Variants in KREMEN1 observed in about 807,000 individuals in gnomAD.
The protein encoded by KREMEN1 is kringle containing transmembrane protein 1, also known as kremen protein 1.
In KREMEN1, 30 loss-of-function variants were observed where a neutral mutation model predicts 46.5. That is an observed-to-expected ratio of 0.65 (90% confidence interval 0.48 to 0.88). KREMEN1 has a LOEUF of 0.88. Ranked by LOEUF, KREMEN1 falls within the 40% of genes least tolerant of loss-of-function variation. KREMEN1 has a pLI of 0.00. For missense variants in KREMEN1, 533 were observed against 596.9 expected (o/e 0.89, Z 1.11); for synonymous variants, 214 against 230.6 (o/e 0.93, Z 0.65).
At chr22:29,097,428 A>C (rs1239678674) in intron 2 of KREMEN1, among the ~76,000 whole-genome samples, 1 of 152,210 alleles carries the variant, frequency 6.6e-6, no homozygotes, top group Admixed American at 6.5e-5. Context: ...TATTATCTCC[A>C]TATCAGAAGT....
intron 9 of KREMEN1, among the ~76,000 whole-genome samples, chr22:29,152,938 CTGCTTGACTGAGTAGACTTACGGTTA>C (rs2038928177): frequency 6.6e-6 from 1 of 152,200 alleles, no homozygotes; most frequent in African/African-American, 2.4e-5. Flanking sequence ...GCGGCATGGG[CTGCTTGACTGAGTAGACTTACGGTTA>C]TTTCTTGATG....
At chr22:29,099,066 T>C in intron 3 of KREMEN1, 113 bp downstream of exon 3, 1 of 760,182 alleles carries the variant, frequency 1.3e-6, no homozygotes, top group South Asian at 1.6e-5. Context: ...TCATGGAGCA[T>C]GTGAAAGGAG....
chr22:29,132,201 G>A (rs964885954), intron 5 of KREMEN1, among the ~76,000 whole-genome samples: 1 of 152,086 alleles, frequency 6.6e-6, no homozygotes, highest in Admixed American at 6.5e-5. Context: ...CACCTATGTT[G>A]TTGCCTGTAT....
At chr22:29,125,445 C>T (rs757659167) in intron 5 of KREMEN1, 29 bp downstream of exon 5, 36 of 1,610,620 alleles carry the variant, frequency 2.2e-5, no homozygotes, top group Non-Finnish European at 2.7e-5. Flanking sequence ...CATCACTGCC[C>T]AAGGCACAGG....
intron 9 of KREMEN1, among the ~76,000 whole-genome samples, chr22:29,153,931 C>T (rs1406231443): frequency 6.8e-6 from 1 of 148,094 alleles, no homozygotes; most frequent in Non-Finnish European, 1.5e-5. Context: ...GAGATCTAGT[C>T]ACTGCACTCC....
chr22:29,136,710 G>A (rs1257299708), intron 5 of KREMEN1, among the ~76,000 whole-genome samples: 2 of 152,084 alleles, frequency 1.3e-5, no homozygotes, highest in African/African-American at 4.8e-5. Context: ...TCAAAAACAG[G>A]AGTCCAGAGA....
Position 29,132,244 on chromosome 22 carries a change from C to T in KREMEN1, c.632-5098C>T, listed in dbSNP as rs574824115. Reference sequence around the variant, plus strand: ...TTTTTTCCTTTTTATTGCTAAGAAGCGTTCCTTTGTACAGATGTATCGCAA... The same window carrying T: ...TTTTTTCCTTTTTATTGCTAAGAAGTGTTCCTTTGTACAGATGTATCGCAA... On this transcript the variant is annotated intron_variant, in intron 5 of 8. Coordinates refer to ENST00000400335, the MANE Select transcript of KREMEN1 (RefSeq NM_001039570.3). 8.5e-5 allele frequency among the ~76,000 whole-genome samples: 13 copies of T among 152,226 alleles called. 1 individual carries two copies. In the South Asian group the frequency reaches 2.1e-3, roughly 24 times the overall value.
In KREMEN1 at chr22:29,144,436, G is replaced by A. The variant is rs2056750872; in HGVS notation, c.*2324G>A. 1.0e-6 allele frequency: 1 copy of A among 985,628 alleles called. No individual in the cohort carries two copies. The highest frequency in any genetic ancestry group is 6.1e-5 in the Admixed American group (1 of 16,298). 61.1% of individuals were successfully genotyped at this position (985,628 alleles called of 1,614,324 possible). A position where few individuals can be genotyped will look rare whatever the true frequency, so the allele number is the denominator to read the frequency against. ...ACTGCCACCCCAGGCCCCGTGGGAG[G>A]CCTGCTGAGGGCACAGAGCTGCTCG... is the stretch of plus-strand genomic sequence containing the variant. On this transcript the variant is annotated 3_prime_UTR_variant, in exon 9 of 9. Coordinates refer to ENST00000400335, the MANE Select transcript of KREMEN1 (RefSeq NM_001039570.3).
At chr22:29,111,762 C>T (rs1320821006) in intron 3 of KREMEN1, 1 of 150,824 alleles carries the variant, frequency 6.6e-6, no homozygotes, top group African/African-American at 2.4e-5. Flanking sequence ...AACTTAGCAT[C>T]TGGTTTCTTA....
At position 29,137,510 on chromosome 22, in the gene KREMEN1, C is replaced by G; in HGVS notation, c.800C>G (p.Ala267Gly). The part of the protein sequence containing the change: ...SFPLFDIRDS[A>G]DMVELLDGYT... ...CCCCTATTTGACATCAGGGACTCGG[C>G]GGACATGGTGGAGCTTCTGGATGGC... The change falls in exon 6 of 9, where the codon GCG becomes GGG. Residue 267 changes from alanine (A) to glycine (G), a missense_variant. By Grantham distance (60) the Ala-to-Gly change is moderately conservative. Transcript: ENST00000400335. The G allele has an allele frequency of 6.2e-7, 1 of 1,611,646 alleles. No homozygotes were observed. The highest frequency in any genetic ancestry group is 1.3e-5 in the African/African-American group (1 of 75,024).
chr22:29,075,799 A>G (rs1317335172), intron 1 of KREMEN1, among the ~76,000 whole-genome samples: 1 of 152,160 alleles, frequency 6.6e-6, no homozygotes, highest in Non-Finnish European at 1.5e-5. Flanking sequence ...TTTTCTCTAA[A>G]ATTTTGTGGA....
intron 3 of KREMEN1, among the ~76,000 whole-genome samples, chr22:29,116,191 G>T (rs2038236863): frequency 6.6e-6 from 1 of 152,198 alleles, no homozygotes. Context: ...GATTATTCTG[G>T]TTGCAGTTTG....
At chr22:29,134,044 T>A (rs1398734901) in intron 5 of KREMEN1, 1 of 152,088 alleles carries the variant, frequency 6.6e-6, no homozygotes, top group East Asian at 1.9e-4. Context: ...TATACTAAAA[T>A]TGGAACAAAA....
intron 3 of KREMEN1, among the ~76,000 whole-genome samples, chr22:29,120,462 G>GAGGTGATGATGGAA (rs1410295520): frequency 5.1e-5 from 6 of 117,718 alleles, no homozygotes; most frequent in East Asian, 2.9e-4. Flanking sequence ...GGAGGAGGGA[G>GAGGTGATGATGGAA]ACGTGATGAT....
intron 3 of KREMEN1, among the ~76,000 whole-genome samples, chr22:29,109,971 A>C (rs2038119465): frequency 6.6e-6 from 1 of 152,212 alleles, no homozygotes; most frequent in Non-Finnish European, 1.5e-5. Flanking sequence ...TCAACAAACG[A>C]GCTTTTCTTC....
chr22:29,136,542 T>A (rs1254610135), intron 5 of KREMEN1, among the ~76,000 whole-genome samples: 2 of 147,216 alleles, frequency 1.4e-5, no homozygotes, highest in Non-Finnish European at 3.0e-5. Context: ...ACCACTGCAC[T>A]CCAGCCTGGG....
chr22:29,141,405 G>A lies in KREMEN1; in HGVS notation c.1209-539G>A, dbSNP rs549014906. On this transcript the variant is annotated intron_variant, in intron 8 of 8. Transcript: ENST00000400335. ...CCCTGTGGCAGCAAGAGAGCCCAAT[G>A]CTTCCTATAGCGTCCAGCATCTGAT... 3.3e-5 allele frequency among the ~76,000 whole-genome samples: 5 copies of A among 152,346 alleles called. No individual in the cohort carries two copies. In the East Asian group the frequency reaches 9.6e-4, roughly 29 times the overall value.
intron 2 of KREMEN1, among the ~76,000 whole-genome samples, chr22:29,094,784 C>T (rs1332348947): frequency 2.0e-5 from 3 of 152,124 alleles, no homozygotes; most frequent in South Asian, 2.1e-4. Flanking sequence ...CCAACACGCC[C>T]GGCTAATTTT....
At position 29,145,823 on chromosome 22, in the gene KREMEN1, A is replaced by G; in HGVS notation, c.*3711A>G. 1 of 985,504 alleles carries G rather than the reference A, an allele frequency of 1.0e-6. No individual in the cohort carries two copies. Among genetic ancestry groups the G allele is most frequent in the Non-Finnish European group, 1.2e-6 (1 of 829,954 alleles). 61.0% of individuals were successfully genotyped at this position (985,504 alleles called of 1,614,324 possible). ...CAAGACTCCAATCGGCCAGAAGCCC[A>G]CAGAGATCAAAGCACTAGCAAGTTC... On this transcript the variant is annotated 3_prime_UTR_variant, in exon 9 of 9. Transcript: ENST00000400335.
Sources: gnomAD v4.1 joint callset for allele counts (sites outside exome capture counted in the v4.1 genomes callset) on GRCh38, gnomAD v4.1.1 for gene constraint, MANE v1.5 for transcripts, NCBI Gene and HGNC (gene_info 2026-07-23, HGNC 2026-07-21) for gene names.